UGGT2: variants seen among roughly 807,000 people sequenced by gnomAD.
The protein encoded by UGGT2 is UDP-glucose glycoprotein glucosyltransferase 2.
In UGGT2, 180 loss-of-function variants were observed where a neutral mutation model predicts 192.1. The ratio of observed to expected loss-of-function variants is 0.94; its 90% CI spans 0.83 to 1.06. The LOEUF is 1.06. Among genes scored for constraint, UGGT2 ranks in the 50% least tolerant of loss-of-function variants. UGGT2 has a pLI of 0.00. For synonymous variants in UGGT2, 580 were observed against 591.0 expected, an observed-to-expected ratio of 0.98 and a Z score of 0.27; for missense variants, 1,849 against 1,795.7, an observed-to-expected ratio of 1.03 and a Z score of -0.54.
intron 1 of UGGT2, among the ~76,000 whole-genome samples, chr13:96,048,210 T>G (rs2053376648): frequency 6.6e-6 from 1 of 152,168 alleles, no homozygotes; most frequent in African/African-American, 2.4e-5. Flanking sequence ...ACATGAAAAC[T>G]GAACAACCTG....
At chr13:95,839,342 G>C (rs956135898) in intron 36 of UGGT2, among the ~76,000 whole-genome samples, 4 of 151,946 alleles carry the variant, frequency 2.6e-5, no homozygotes, top group African/African-American at 9.7e-5. Context: ...TCTACTTTCT[G>C]TCTCTACGAA....
rs779911762 is a variant in UGGT2 at position 95,853,542 on chromosome 13, C to T, written c.4284+1G>A. The T allele has an allele frequency of 6.2e-7, 1 of 1,612,308 alleles. No individual in the cohort carries two copies. Among genetic ancestry groups the T allele is most frequent in the Non-Finnish European group, 8.5e-7 (1 of 1,178,938 alleles). On this transcript the variant is annotated splice_donor_variant, in intron 36 of 38. Coordinates refer to ENST00000376747, the MANE Select transcript of UGGT2 (RefSeq NM_020121.4). LOFTEE classifies it high-confidence loss of function. ...AATTATTCTGTTAACATTTTACTTA[C>T]CTGATCTAGGTTTGAAAGACTGTTT... is the stretch of plus-strand genomic sequence containing the variant.
chr13:95,834,940 ATACTAAATTTTTC>A (rs1444282024), intron 37 of UGGT2, among the ~76,000 whole-genome samples: 2 of 152,214 alleles, frequency 1.3e-5, no homozygotes, highest in Non-Finnish European at 2.9e-5. Context: ...CACTAGAAAA[ATACTAAATTTTTC>A]TAGTAGCCAT....
chr13:95,976,784 C>T (rs577614030), intron 10 of UGGT2, among the ~76,000 whole-genome samples: 17 of 152,010 alleles, frequency 1.1e-4, no homozygotes, highest in East Asian at 1.9e-4. Flanking sequence ...GGAGGCATCA[C>T]GCTGACTTCA....
chr13:95,932,944 C>T (rs946717121), intron 17 of UGGT2, among the ~76,000 whole-genome samples: 15 of 152,166 alleles, frequency 9.9e-5, no homozygotes, highest in South Asian at 8.3e-4. Context: ...TATTTGATTA[C>T]GGTGAATTAA....
intron 10 of UGGT2, among the ~76,000 whole-genome samples, chr13:95,976,246 A>G: frequency 6.6e-6 from 1 of 152,116 alleles, no homozygotes; most frequent in East Asian, 1.9e-4. Context: ...GCTAAAGATG[A>G]CAGGATTTCT....
At chr13:95,903,493 A>G (rs1196690917) in intron 20 of UGGT2, among the ~76,000 whole-genome samples, 1 of 152,170 alleles carries the variant, frequency 6.6e-6, no homozygotes, top group African/African-American at 2.4e-5. Flanking sequence ...CATTTATGGT[A>G]ATAACAACTT....
intron 10 of UGGT2, among the ~76,000 whole-genome samples, chr13:95,975,561 T>C (rs2050910901): frequency 6.6e-6 from 1 of 152,210 alleles, no homozygotes; most frequent in Non-Finnish European, 1.5e-5. Flanking sequence ...CTCTTAGGCT[T>C]GAGCAGAAAT....
At chr13:96,042,608 A>AT (rs1195295222) in intron 1 of UGGT2, among the ~76,000 whole-genome samples, 1 of 151,878 alleles carries the variant, frequency 6.6e-6, no homozygotes, top group Non-Finnish European at 1.5e-5. Flanking sequence ...ATTTAAGGAA[A>AT]TAAAAAAAAA....
At chr13:95,860,480 A>G (rs1286709628) in intron 32 of UGGT2, among the ~76,000 whole-genome samples, 1 of 150,164 alleles carries the variant, frequency 6.7e-6, no homozygotes, top group African/African-American at 2.4e-5. Flanking sequence ...CTTACCTCAT[A>G]ATTTTAAGTA....
intron 10 of UGGT2, among the ~76,000 whole-genome samples, chr13:95,982,547 G>A (rs2051160010): frequency 6.6e-6 from 1 of 152,034 alleles, no homozygotes; most frequent in South Asian, 2.1e-4. Context: ...CAATTTGTGG[G>A]CCCTATGTAA....
chr13:96,006,181 T>G (rs549812999), intron 5 of UGGT2, among the ~76,000 whole-genome samples: 1 of 152,260 alleles, frequency 6.6e-6, no homozygotes, highest in African/African-American at 2.4e-5. Context: ...ATGAAAAAAG[T>G]AGAACATATG....
chr13:95,939,476 C>CTTTTTTTTTTTTT (rs35091779), intron 16 of UGGT2, among the ~76,000 whole-genome samples: 1 of 109,140 alleles, frequency 9.2e-6, no homozygotes, highest in Non-Finnish European at 1.9e-5. Context: ...GAGTTGTTGC[C>CTTTTTTTTTTTTT]TTTTTTTTTT....
chr13:95,969,683 TG>T (rs1366858741), intron 12 of UGGT2, among the ~76,000 whole-genome samples: 1 of 152,210 alleles, frequency 6.6e-6, no homozygotes, highest in African/African-American at 2.4e-5. Flanking sequence ...AAGGGTGATA[TG>T]ATCAAATGTT....
At chr13:95,874,421 A>G (rs559018896) in intron 29 of UGGT2, among the ~76,000 whole-genome samples, 1 of 152,318 alleles carries the variant, frequency 6.6e-6, no homozygotes, top group South Asian at 2.1e-4. Context: ...CTGTGATCCC[A>G]TGACAGTTGA....
chr13:95,860,235 TC>T (rs1351529115), intron 32 of UGGT2, among the ~76,000 whole-genome samples: 1 of 151,488 alleles, frequency 6.6e-6, no homozygotes, highest in Non-Finnish European at 1.5e-5. Context: ...TATGCATTTC[TC>T]CCCTCATTCC....
At chr13:95,995,999 T>C (rs986784511) in intron 7 of UGGT2, 64 bp downstream of exon 7, 4 of 1,392,344 alleles carry the variant, frequency 2.9e-6, no homozygotes, top group Admixed American at 1.7e-5. Context: ...AAACAGTATA[T>C]CAAATTAATT....
intron 11 of UGGT2, 111 bp downstream of exon 11, chr13:95,972,469 A>C (rs2050802754): frequency 2.0e-6 from 2 of 992,852 alleles, no homozygotes; most frequent in African/African-American, 3.3e-5. Flanking sequence ...ACAATCAAAA[A>C]CATGTATTTA....
Position 95,856,292 on chromosome 13 carries a change from C to G in UGGT2, c.3874G>C (p.Val1292Leu). ...AGCCAACGGGGCCACCTATATTGAA[C>G]TAGTTCATATCGGAATCCATACTCT... ...AKEYGFRYELVQYRWPRWLRQ... is the reference protein window; with the variant it reads ...AKEYGFRYELLQYRWPRWLRQ... Residue 1292 changes from valine (V) to leucine (L), a missense_variant, in exon 34 of 39, where the codon GTT becomes CTT. Val to Leu is a conservative substitution (Grantham distance 32, BLOSUM62 1). Coordinates refer to ENST00000376747, the MANE Select transcript of UGGT2 (RefSeq NM_020121.4). 1.2e-6 allele frequency: 2 copies of G among 1,613,148 alleles called. No individual in the cohort carries two copies.
Sources: gnomAD v4.1 joint callset for allele counts (sites outside exome capture counted in the v4.1 genomes callset) on GRCh38, gnomAD v4.1.1 for gene constraint, MANE v1.5 for transcripts, NCBI Gene and HGNC (gene_info 2026-07-23, HGNC 2026-07-21) for gene names.